The following ANKRD30A variants were observed in gnomAD, a reference collection of about 807,000 sequenced individuals.
ANKRD30A encodes ankyrin repeat domain-containing protein 30A.
A neutral mutation model predicts 166.3 loss-of-function variants in ANKRD30A; 170 were observed. The observed-to-expected ratio is 1.02, with a 90% CI of 0.90 to 1.16. The LOEUF (loss-of-function observed/expected upper bound fraction) is 1.16, where lower values mean the gene tolerates loss of function less well. Among genes scored for constraint, ANKRD30A ranks in the 50% most tolerant of loss-of-function variants. ANKRD30A has a pLI of 0.00. For missense variants in ANKRD30A, 1,630 were observed against 1,518.0 expected (o/e 1.07, Z -1.23); for synonymous variants, 564 against 508.9 (o/e 1.11, Z -1.46).
the ANKRD30A span, among the ~76,000 whole-genome samples, chr10:37,263,861 C>T: frequency 1.3e-5 from 2 of 152,062 alleles, no homozygotes; most frequent in Non-Finnish European, 2.9e-5. Flanking sequence ...TCTTAATTAG[C>T]CTGGGATGTT....
chr10:37,153,601 T>A lies in ANKRD30A; in HGVS notation c.1737T>A (p.Asp579Glu). ...ESLCETVSQK[D>E]VCLPKATHQK... ...TCTGTGAGACTGTTTCACAGAAGGA[T>A]GTGTGTTTACCCAAGGCTACACATC... Residue 579 changes from aspartate to glutamate, a missense_variant, in exon 13 of 36, where the codon GAT (aspartate) becomes GAA (glutamate). Around this residue, in one of 4 missense-constraint regions of ANKRD30A, gnomAD observed 904 missense variants for 818.5 expected, o/e 1.10. Transcript: ENST00000361713. 6.2e-7 allele frequency: 1 copy of A among 1,612,150 alleles called. No individual in the cohort carries two copies. The highest frequency in any genetic ancestry group is 2.2e-5 in the East Asian group (1 of 44,796).
chr10:37,217,677 A>T lies in ANKRD30A; in HGVS notation c.3084-18A>T. The T allele has an allele frequency of 1.3e-6, 2 of 1,496,142 alleles. No homozygotes were observed. The highest frequency in any genetic ancestry group is 1.8e-6 in the Non-Finnish European group (2 of 1,120,746). 92.7% of individuals were successfully genotyped at this position (1,496,142 alleles called of 1,614,324 possible). ...TTTCTAACAAAATGAATTTTAAGATAAGTATGTTTAATGGCAGATTGACTT... is the reference window on the plus strand; with the variant it reads ...TTTCTAACAAAATGAATTTTAAGATTAGTATGTTTAATGGCAGATTGACTT... On this transcript the variant is annotated intron_variant, in intron 32 of 35. Transcript: ENST00000361713.
At chr10:37,224,160 A>G (rs1241915650) in intron 34 of ANKRD30A, among the ~76,000 whole-genome samples, 1 of 151,420 alleles carries the variant, frequency 6.6e-6, no homozygotes, top group African/African-American at 2.4e-5. Context: ...TGCCTTTGGC[A>G]TATAATGTCA....
chr10:37,226,938 C>T (rs914563869), intron 34 of ANKRD30A, among the ~76,000 whole-genome samples: 3 of 151,868 alleles, frequency 2.0e-5, no homozygotes, highest in African/African-American at 7.2e-5. Context: ...TTAATTAAAA[C>T]ATGCATCTTA....
chr10:37,132,368 T>TA lies in ANKRD30A; in HGVS notation c.617+28dup, dbSNP rs775599980. 360 of 1,394,796 alleles carry TA rather than the reference T, an allele frequency of 2.6e-4. 2 individuals are homozygous for TA. The African/African-American group carries it at 4.9e-3, about 19-fold the overall frequency. 86.4% of individuals were successfully genotyped at this position (1,394,796 alleles called of 1,614,324 possible). A position where few individuals can be genotyped will look rare whatever the true frequency, so the allele number is the denominator to read the frequency against. On this transcript the variant is annotated intron_variant, in intron 4 of 35. Transcript: ENST00000361713. ...AATGGTATAGTAGTTCTTTTTTTAT[T>TA]AAAAAACACTTGAGTAGTGTTCTAG...
At chr10:37,134,535 C>T (rs1836561278) in intron 5 of ANKRD30A, among the ~76,000 whole-genome samples, 2 of 152,152 alleles carry the variant, frequency 1.3e-5, no homozygotes, top group Admixed American at 1.3e-4. Context: ...CCAGGATGCC[C>T]TTACTAACAC....
chr10:37,139,481 A>C (rs945680574), intron 6 of ANKRD30A, among the ~76,000 whole-genome samples: 3 of 152,248 alleles, frequency 2.0e-5, no homozygotes, highest in Non-Finnish European at 4.4e-5. Flanking sequence ...GGTTAGTCTT[A>C]AGACCACATA....
intron 31 of ANKRD30A, among the ~76,000 whole-genome samples, chr10:37,208,385 G>A (rs767223643): frequency 6.6e-6 from 1 of 152,088 alleles, no homozygotes; most frequent in African/African-American, 2.4e-5. Context: ...CAGACTTGCC[G>A]ATAACCTGAG....
intron 1 of ANKRD30A, among the ~76,000 whole-genome samples, chr10:37,127,231 T>C (rs1457335168): frequency 1.3e-5 from 2 of 152,178 alleles, no homozygotes; most frequent in Admixed American, 1.3e-4. Context: ...GTTTCCTAAG[T>C]GAAATGCCTG....
intron 34 of ANKRD30A, among the ~76,000 whole-genome samples, chr10:37,230,299 TA>T (rs1333762914): frequency 6.6e-6 from 1 of 152,042 alleles, no homozygotes; most frequent in Admixed American, 6.6e-5. Flanking sequence ...GTTTAATTTT[TA>T]GTGAGACAGG....
At chr10:37,241,410 T>C in the ANKRD30A span, 1 of 151,748 alleles carries the variant, frequency 6.6e-6, no homozygotes, top group Non-Finnish European at 1.5e-5. Flanking sequence ...GGATAATATT[T>C]TTATATCATA....
At chr10:37,194,195 G>A (rs1241235728) in intron 27 of ANKRD30A, among the ~76,000 whole-genome samples, 1 of 151,944 alleles carries the variant, frequency 6.6e-6, no homozygotes, top group African/African-American at 2.4e-5. Flanking sequence ...ATCTGAAAAA[G>A]CAAAGAAATA....
At chr10:37,248,256 C>A in the ANKRD30A span, 1 of 586,184 alleles carries the variant, frequency 1.7e-6, no homozygotes, top group South Asian at 1.4e-5. Context: ...TAAGGTTGAT[C>A]TCAGAATTGT....
chr10:37,218,320 T>C (rs904757408), intron 33 of ANKRD30A, among the ~76,000 whole-genome samples: 1 of 151,022 alleles, frequency 6.6e-6, no homozygotes, highest in South Asian at 2.1e-4. Flanking sequence ...TATATTTACA[T>C]ATTTACCCAG....
At position 37,142,669 on chromosome 10, in the gene ANKRD30A, A is replaced by G. The variant is rs922816728; in HGVS notation, c.1393+379A>G. On this transcript the variant is annotated intron_variant, in intron 7 of 35. Transcript: ENST00000361713. ...GCACGAGTGATCTCGGCTGACTACA[A>G]CCTCCGCCTCCCAGGTTCATGTGAT... Among the ~76,000 whole-genome samples the G allele has an allele frequency of 1.3e-4, 18 of 143,584 alleles. No individual in the cohort carries two copies. The Middle Eastern group carries it at 0.011, about 90-fold the overall frequency. 94.2% of individuals were successfully genotyped at this position (143,584 alleles called of 152,430 possible).
At chr10:37,171,868 T>C (rs1437405585) in intron 21 of ANKRD30A, among the ~76,000 whole-genome samples, 2 of 146,438 alleles carry the variant, frequency 1.4e-5, no homozygotes, top group East Asian at 3.9e-4. Context: ...GTTTATGGTC[T>C]CATTTCTCAT....
intron 13 of ANKRD30A, among the ~76,000 whole-genome samples, chr10:37,157,586 T>C (rs1267491907): frequency 6.6e-6 from 1 of 152,138 alleles, no homozygotes; most frequent in Non-Finnish European, 1.5e-5. Context: ...TTGGCCAGGC[T>C]GGTTTGGAAC....
chr10:37,177,924 G>C (rs1291175066), intron 24 of ANKRD30A, among the ~76,000 whole-genome samples: 37 of 147,228 alleles, frequency 2.5e-4, no homozygotes, highest in South Asian at 8.8e-4. Context: ...ATTGGCAACA[G>C]ACTATATTGT....
At chr10:37,197,602 C>T in intron 29 of ANKRD30A, 122 bp downstream of exon 29, 5 of 1,432,208 alleles carry the variant, frequency 3.5e-6, no homozygotes, top group East Asian at 2.4e-5. Context: ...CTAGGTAATG[C>T]CAATACTGGT....
Sources: allele counts gnomAD v4.1 joint callset (sites outside exome capture counted in the v4.1 genomes callset), GRCh38; gene constraint gnomAD v4.1.1; regional missense constraint gnomAD v4.1.1; transcripts MANE v1.5; gene names NCBI Gene and HGNC (gene_info 2026-07-23, HGNC 2026-07-21).